UBE2E2: variants seen among roughly 807,000 people sequenced by gnomAD.
The protein encoded by UBE2E2 is ubiquitin-conjugating enzyme E2 E2.
Under a neutral mutation model 24.7 loss-of-function variants are expected in UBE2E2, and 6 were observed. The observed-to-expected ratio is 0.24, with a 90% CI of 0.13 to 0.48. UBE2E2 has a LOEUF of 0.48. Ranked by LOEUF, UBE2E2 falls within the 20% of genes least tolerant of loss-of-function variation. The probability of loss-of-function intolerance (pLI) is 0.99; values close to 1 mark genes in which losing one functional copy is unlikely to be tolerated. For missense variants in UBE2E2, 169 were observed against 245.0 expected (o/e 0.69, Z 2.07); for synonymous variants, 104 against 83.6 (o/e 1.24, Z -1.33).
At chr3:23,529,199 AGTT>A (rs1575687701) in intron 4 of UBE2E2, among the ~76,000 whole-genome samples, 1 of 152,230 alleles carries the variant, frequency 6.6e-6, no homozygotes, top group Non-Finnish European at 1.5e-5. Flanking sequence ...TTTGTGATAG[AGTT>A]GTTTGTGTGT....
chr3:23,429,485 A>G (rs927040094), intron 3 of UBE2E2, among the ~76,000 whole-genome samples: 2 of 152,192 alleles, frequency 1.3e-5, no homozygotes, highest in Non-Finnish European at 2.9e-5. Context: ...TCAGCATTCA[A>G]AATTTAATTA....
At chr3:23,349,981 A>C (rs887748027) in intron 3 of UBE2E2, among the ~76,000 whole-genome samples, 72 of 152,176 alleles carry the variant, frequency 4.7e-4, no homozygotes, top group Non-Finnish European at 8.8e-4. Flanking sequence ...CTGGGAGGCA[A>C]CCCCCAGTAG....
intron 3 of UBE2E2, among the ~76,000 whole-genome samples, chr3:23,435,022 A>G (rs1698150747): frequency 6.6e-6 from 1 of 152,218 alleles, no homozygotes; most frequent in Non-Finnish European, 1.5e-5. Flanking sequence ...TTATTTTCCC[A>G]AAACTCTTGT....
At chr3:23,547,068 G>A (rs1277111822) in intron 5 of UBE2E2, among the ~76,000 whole-genome samples, 1 of 152,168 alleles carries the variant, frequency 6.6e-6, no homozygotes, top group African/African-American at 2.4e-5. Flanking sequence ...GCAAAGTGAG[G>A]TGTATAAATA....
chr3:23,435,256 A>C (rs1315810972), intron 3 of UBE2E2, among the ~76,000 whole-genome samples: 1 of 152,240 alleles, frequency 6.6e-6, no homozygotes, highest in African/African-American at 2.4e-5. Context: ...CATGAGTCTA[A>C]AACTGCACTG....
At chr3:23,284,526 A>C (rs978810522) in intron 3 of UBE2E2, among the ~76,000 whole-genome samples, 2 of 151,940 alleles carry the variant, frequency 1.3e-5, no homozygotes, top group African/African-American at 4.8e-5. Context: ...TATGATTATT[A>C]TTTTTTAAAA....
At chr3:23,285,879 G>T (rs763617116) in intron 3 of UBE2E2, among the ~76,000 whole-genome samples, 3 of 152,052 alleles carry the variant, frequency 2.0e-5, no homozygotes, top group Admixed American at 6.6e-5. Context: ...TTATTTTTTA[G>T]TCAAGAGGGG....
In UBE2E2 at chr3:23,448,906, G is replaced by C. The variant is rs73821807; in HGVS notation, c.228-50702G>C. Among the ~76,000 whole-genome samples, 771 of 152,318 alleles carry C rather than the reference G, an allele frequency of 5.1e-3. 8 individuals are homozygous for C. Among genetic ancestry groups the C allele is most frequent in the African/African-American group, 0.017 (718 of 41,570 alleles). The stretch of plus-strand genomic sequence containing the variant: ...ATAATGTCACAAATTTTAGTGCACA[G>C]TTCCATCTGTTTACTTCTTCTGTCT... On this transcript the variant is annotated intron_variant, in intron 3 of 5. Coordinates refer to ENST00000396703, the MANE Select transcript of UBE2E2 (RefSeq NM_152653.4).
Position 23,237,139 on chromosome 3 carries a change from A to T in UBE2E2, c.227+19827A>T, listed in dbSNP as rs77892415. Among the ~76,000 whole-genome samples the T allele has an allele frequency of 5.7e-4, 87 of 152,190 alleles. 3 individuals are homozygous for T. In the East Asian group the frequency reaches 0.015, roughly 27 times the overall value. ...TAAAACCACATGGGGTTGTGTGAGG[A>T]TTATATGAGTTAATACATGTAAAGC... On this transcript the variant is annotated intron_variant, in intron 3 of 5. Transcript: ENST00000396703.
chr3:23,521,129 T>TAGAA (rs1694854020), intron 4 of UBE2E2, among the ~76,000 whole-genome samples: 3 of 152,254 alleles, frequency 2.0e-5, no homozygotes, highest in Non-Finnish European at 2.9e-5. Flanking sequence ...TAAAATGTAT[T>TAGAA]ACTCCTTTCC....
At chr3:23,270,708 A>G (rs979418115) in intron 3 of UBE2E2, among the ~76,000 whole-genome samples, 2 of 152,252 alleles carry the variant, frequency 1.3e-5, no homozygotes, top group Non-Finnish European at 2.9e-5. Context: ...TATTACTGGC[A>G]TCTGATATTT....
At chr3:23,215,976 T>A (rs1371484048) in intron 2 of UBE2E2, among the ~76,000 whole-genome samples, 2 of 152,170 alleles carry the variant, frequency 1.3e-5, no homozygotes, top group Non-Finnish European at 2.9e-5. Flanking sequence ...AGAATCCATA[T>A]TAGAAGGAAG....
intron 5 of UBE2E2, among the ~76,000 whole-genome samples, chr3:23,541,788 A>G (rs1695402208): frequency 6.6e-6 from 1 of 152,226 alleles, no homozygotes; most frequent in Non-Finnish European, 1.5e-5. Context: ...TCGGCCAACC[A>G]ACAAATGCCT....
At chr3:23,251,711 C>T (rs1417928262) in intron 3 of UBE2E2, among the ~76,000 whole-genome samples, 1 of 152,110 alleles carries the variant, frequency 6.6e-6, no homozygotes, top group Non-Finnish European at 1.5e-5. Flanking sequence ...ACAGTATTCC[C>T]ATATCCTTTT....
chr3:23,265,410 A>C (rs1363779254), intron 3 of UBE2E2, among the ~76,000 whole-genome samples: 1 of 152,188 alleles, frequency 6.6e-6, no homozygotes, highest in African/African-American at 2.4e-5. Flanking sequence ...TGAAGCATGC[A>C]TAACCAGACT....
chr3:23,241,604 G>T (rs9814419), intron 3 of UBE2E2, among the ~76,000 whole-genome samples: 47,491 of 151,458 alleles, frequency 0.31, 7,732 homozygotes, highest in South Asian at 0.37. Context: ...TCTCGGTGAG[G>T]CTAACCCTGA....
intron 3 of UBE2E2, among the ~76,000 whole-genome samples, chr3:23,409,833 T>A (rs1218116182): frequency 6.6e-6 from 1 of 152,154 alleles, no homozygotes; most frequent in Non-Finnish European, 1.5e-5. Context: ...CCTTAGAGTT[T>A]TTTAGCTTGT....
chr3:23,484,557 A>G lies in UBE2E2; in HGVS notation c.228-15051A>G, dbSNP rs531430902. On this transcript the variant is annotated intron_variant, in intron 3 of 5. Coordinates refer to ENST00000396703, the MANE Select transcript of UBE2E2 (RefSeq NM_152653.4). ...ACAGGAAGCCCTTTGGGAATCAAGAATGTTCTTTATCTTGCCTAGATCACA... is the reference window on the plus strand; with the variant it reads ...ACAGGAAGCCCTTTGGGAATCAAGAGTGTTCTTTATCTTGCCTAGATCACA... Among the ~76,000 whole-genome samples the G allele has an allele frequency of 4.6e-5, 7 of 152,304 alleles. No individual in the cohort carries two copies. In the South Asian group the frequency reaches 1.5e-3, roughly 32 times the overall value.
At chr3:23,211,868 T>A (rs1403148368) in intron 2 of UBE2E2, among the ~76,000 whole-genome samples, 1 of 152,188 alleles carries the variant, frequency 6.6e-6, no homozygotes, top group Admixed American at 6.5e-5. Flanking sequence ...ATAGACTTTA[T>A]GTCAGTTAAA....
Sources: allele counts gnomAD v4.1 joint callset (sites outside exome capture counted in the v4.1 genomes callset), GRCh38; gene constraint gnomAD v4.1.1; transcripts MANE v1.5; gene names NCBI Gene and HGNC (gene_info 2026-07-23, HGNC 2026-07-21).